MKLN1: variants seen among roughly 807,000 people sequenced by gnomAD.
MKLN1 encodes the protein muskelin.
In MKLN1, 18 loss-of-function variants were observed where a neutral mutation model predicts 99.0. The ratio of observed to expected loss-of-function variants is 0.18; its 90% CI spans 0.13 to 0.27. The LOEUF (loss-of-function observed/expected upper bound fraction) is 0.27. Among genes scored for constraint, MKLN1 ranks in the 10% least tolerant of loss-of-function variants. The pLI is 1.00. For missense variants in MKLN1, 621 were observed against 875.9 expected, an observed-to-expected ratio of 0.71 and a Z score of 3.67; for synonymous variants, 288 against 293.2, an observed-to-expected ratio of 0.98 and a Z score of 0.18.
At chr7:131,302,371 G>C (rs983599970) in intron 3 of MKLN1, among the ~76,000 whole-genome samples, 1 of 152,186 alleles carries the variant, frequency 6.6e-6, no homozygotes, top group East Asian at 1.9e-4. Context: ...CCTTCACAAA[G>C]ACCAGGCTGA....
chr7:131,420,245 G>A (rs1380419610), intron 8 of MKLN1, among the ~76,000 whole-genome samples: 1 of 151,670 alleles, frequency 6.6e-6, no homozygotes, highest in African/African-American at 2.4e-5. Flanking sequence ...GCTTATGAAA[G>A]AGTAGCTATT....
chr7:131,328,000 A>G lies in MKLN1; in HGVS notation c.98+3A>G. On this transcript the variant is annotated splice_donor_region_variant and intron_variant, in intron 1 of 17. Coordinates refer to ENST00000352689, the MANE Select transcript of MKLN1 (RefSeq NM_013255.5). ...TTTTCCTCCACCTACCTTCCCGAGT[A>G]AGTGCCGGGCCTTGAGCTCGTGCTG... The G allele has an allele frequency of 6.2e-7, 1 of 1,613,730 alleles. No individual in the cohort carries two copies. The highest frequency in any genetic ancestry group is 2.2e-5 in the East Asian group (1 of 44,858).
chr7:131,492,255 A>G lies in MKLN1; in HGVS notation c.*4527A>G, dbSNP rs1420986162. The G allele has an allele frequency of 1.3e-5, 2 of 151,906 alleles. No homozygotes were observed. Among genetic ancestry groups the G allele is most frequent in the Non-Finnish European group, 2.9e-5 (2 of 67,968 alleles). 9.4% of individuals were successfully genotyped at this position (151,906 alleles called of 1,614,324 possible). A position where few individuals can be genotyped will look rare whatever the true frequency, so the allele number is the denominator to read the frequency against. On this transcript the variant is annotated 3_prime_UTR_variant, in exon 18 of 18. Transcript: ENST00000352689. ...TTTTAACCTTTTTGTTTCTATTCCT[A>G]CCTCCCATGAGTAACATTGATTTCT...
At chr7:131,435,959 C>A (rs1415608322) in intron 9 of MKLN1, among the ~76,000 whole-genome samples, 1 of 151,912 alleles carries the variant, frequency 6.6e-6, no homozygotes, top group Non-Finnish European at 1.5e-5. Flanking sequence ...TTAGTTGAAG[C>A]AAGAAGTTCT....
intron 2 of MKLN1, among the ~76,000 whole-genome samples, chr7:131,385,970 T>A (rs1236305435): frequency 6.6e-6 from 1 of 152,006 alleles, no homozygotes; most frequent in Non-Finnish European, 1.5e-5. Flanking sequence ...GTAGTTTTTG[T>A]CTAAGATGTT....
chr7:131,245,897 G>T (rs569278030), intron 3 of MKLN1, among the ~76,000 whole-genome samples: 1 of 152,320 alleles, frequency 6.6e-6, no homozygotes, highest in Admixed American at 6.5e-5. Flanking sequence ...TAAGTCTCAT[G>T]ATTTATTTTG....
At chr7:131,147,409 C>T (rs1001183404) in intron 2 of MKLN1, among the ~76,000 whole-genome samples, 3 of 152,060 alleles carry the variant, frequency 2.0e-5, no homozygotes, top group African/African-American at 7.2e-5. Context: ...TGAGTTTATT[C>T]AGTCTTCATA....
At chr7:131,444,616 C>T (rs1019074696) in intron 11 of MKLN1, among the ~76,000 whole-genome samples, 1 of 151,674 alleles carries the variant, frequency 6.6e-6, no homozygotes. Flanking sequence ...GAGCGCAGAT[C>T]GTAGCTCACT....
intron 2 of MKLN1, among the ~76,000 whole-genome samples, chr7:131,187,250 G>A (rs942831400): frequency 6.6e-6 from 1 of 152,040 alleles, no homozygotes; most frequent in Non-Finnish European, 1.5e-5. Context: ...TGGTACAAAT[G>A]CTATATACTT....
At chr7:131,404,586 G>T (rs1224257851) in intron 6 of MKLN1, among the ~76,000 whole-genome samples, 3 of 151,878 alleles carry the variant, frequency 2.0e-5, no homozygotes, top group Non-Finnish European at 2.9e-5. Context: ...TGAGCTATTT[G>T]TTTGTTTTCT....
intron 3 of MKLN1, among the ~76,000 whole-genome samples, chr7:131,267,214 T>G (rs1797821578): frequency 6.6e-6 from 1 of 152,034 alleles, no homozygotes. Context: ...ACACCTGTAG[T>G]CCCAGCTACT....
chr7:131,359,982 C>A (rs1437384612), intron 1 of MKLN1, among the ~76,000 whole-genome samples: 1 of 152,122 alleles, frequency 6.6e-6, no homozygotes, highest in East Asian at 1.9e-4. Context: ...CTCCTGACTT[C>A]AAATGATCCA....
chr7:131,322,849 C>T (rs1241107406), intron 3 of MKLN1, among the ~76,000 whole-genome samples: 1 of 152,094 alleles, frequency 6.6e-6, no homozygotes. Context: ...GGATTACAGG[C>T]GTGAGCCACC....
intron 3 of MKLN1, among the ~76,000 whole-genome samples, chr7:131,314,275 C>T (rs1167163755): frequency 1.3e-5 from 2 of 152,202 alleles, no homozygotes; most frequent in Non-Finnish European, 2.9e-5. Context: ...ACTCTTCACA[C>T]TCCACAGGAA....
upstream of MKLN1, among the ~76,000 whole-genome samples, chr7:131,326,507 G>A (rs1298242155): frequency 6.6e-6 from 1 of 152,058 alleles, no homozygotes; most frequent in African/African-American, 2.4e-5. Flanking sequence ...ACCACACGCA[G>A]CTAACTTTTG....
intron 1 of MKLN1, among the ~76,000 whole-genome samples, chr7:131,365,298 C>T (rs565365519): frequency 1.1e-4 from 16 of 151,812 alleles, no homozygotes; most frequent in African/African-American, 3.6e-4. Flanking sequence ...TACTTTTTAA[C>T]TGGGTTTTCT....
At chr7:131,170,291 A>G (rs1796197769) in intron 2 of MKLN1, among the ~76,000 whole-genome samples, 1 of 152,196 alleles carries the variant, frequency 6.6e-6, no homozygotes, top group Admixed American at 6.5e-5. Context: ...TCATTTTTAG[A>G]TAAAGAAACT....
intron 3 of MKLN1, among the ~76,000 whole-genome samples, chr7:131,234,272 G>A (rs974111847): frequency 6.6e-6 from 1 of 152,174 alleles, no homozygotes; most frequent in African/African-American, 2.4e-5. Flanking sequence ...GAGACACCAC[G>A]CCCGGCCTTT....
At chr7:131,117,783 A>G (rs933364730) in intron 1 of MKLN1, among the ~76,000 whole-genome samples, 3 of 152,198 alleles carry the variant, frequency 2.0e-5, no homozygotes, top group African/African-American at 7.2e-5. Flanking sequence ...TGAAACACAC[A>G]GGGAGAGAAA....
Sources: gnomAD v4.1 joint callset for allele counts (sites outside exome capture counted in the v4.1 genomes callset) on GRCh38, gnomAD v4.1.1 for gene constraint, MANE v1.5 for transcripts, NCBI Gene and HGNC (gene_info 2026-07-23, HGNC 2026-07-21) for gene names.